The following CASP4 variants were observed in gnomAD, a reference collection of about 807,000 sequenced individuals.
The protein encoded by CASP4 is caspase-4.
CASP4 carries 29 observed loss-of-function variants against 41.3 expected under a neutral mutation model. The ratio of observed to expected loss-of-function variants is 0.70; its 90% CI spans 0.52 to 0.96. The LOEUF is 0.96. Among genes scored for constraint, CASP4 ranks in the 40% least tolerant of loss-of-function variants. The pLI is 0.00. For synonymous variants in CASP4, 185 were observed against 158.4 expected (o/e 1.17, Z -1.26); for missense variants, 447 against 460.6 (o/e 0.97, Z 0.27).
In CASP4 at chr11:104,951,161, C is replaced by T. The variant is rs542564703; in HGVS notation, c.373-63G>A. On this transcript the variant is annotated intron_variant, in intron 3 of 8. Transcript: ENST00000444739. ...AAGTCTCCTTTCAGCCTCCTTATGC[C>T]TATCAGTGTTGCTTTTTCAAGTCTT... The T allele has an allele frequency of 1.1e-5, 16 of 1,459,702 alleles. No homozygotes were observed. The South Asian group carries it at 2.1e-4, about 19-fold the overall frequency. 90.4% of individuals were successfully genotyped at this position (1,459,702 alleles called of 1,614,324 possible).
At position 104,948,606 on chromosome 11, in the gene CASP4, C is replaced by A. The variant is rs55901059; in HGVS notation, c.852G>T (p.Glu284Asp). The change falls in exon 6 of 9, where the codon GAG (glutamate) becomes GAT (aspartate). Residue 284 changes from glutamate to aspartate, a missense_variant. Coordinates refer to ENST00000444739, the MANE Select transcript of CASP4 (RefSeq NM_001225.4). The stretch of plus-strand genomic sequence containing the variant: ...TGTAAACAGCATCTTCCTCTAGGTT[C>A]TCAGATGACTGTGAAGAGGCCACTT... ...SLEVASSQSS[E>D]NLEEDAVYKT... 5,068 of 1,611,450 alleles carry A rather than the reference C, an allele frequency of 3.1e-3. 134 individuals carry two copies. The African/African-American group carries it at 0.061, about 19-fold the overall frequency.
At chr11:104,957,521 A>G (rs534290523) in intron 1 of CASP4, among the ~76,000 whole-genome samples, 1 of 148,036 alleles carries the variant, frequency 6.8e-6, no homozygotes, top group African/African-American at 2.6e-5. Flanking sequence ...ATAGTGAGCT[A>G]TAATTGTGAC....
At chr11:104,967,731 C>CA (rs1861007550) in intron 1 of CASP4, among the ~76,000 whole-genome samples, 1 of 152,072 alleles carries the variant, frequency 6.6e-6, no homozygotes, top group Non-Finnish European at 1.5e-5. Context: ...TTTTATATGA[C>CA]TACAGATTGC....
chr11:104,965,175 TAA>T (rs1860945075), intron 1 of CASP4, among the ~76,000 whole-genome samples: 1 of 152,246 alleles, frequency 6.6e-6, no homozygotes. Flanking sequence ...TCTTTGCTTT[TAA>T]AATTGAGAAT....
At chr11:104,957,831 A>C (rs1860769439) in intron 1 of CASP4, among the ~76,000 whole-genome samples, 1 of 152,142 alleles carries the variant, frequency 6.6e-6, no homozygotes, top group Non-Finnish European at 1.5e-5. Flanking sequence ...TGAATAGGCA[A>C]AGCAATTTTG....
At chr11:104,964,905 C>T (rs889849521) in intron 1 of CASP4, among the ~76,000 whole-genome samples, 10 of 152,012 alleles carry the variant, frequency 6.6e-5, no homozygotes, top group South Asian at 4.1e-4. Flanking sequence ...AAAAAACAGC[C>T]TAAATAAAAA....
chr11:104,956,621 A>C (rs930855816), intron 1 of CASP4: 2 of 983,064 alleles, frequency 2.0e-6, no homozygotes, highest in Admixed American at 1.2e-4. Context: ...AGAGCTTCTT[A>C]AAAGAATGTA....
At chr11:104,946,947 AAAC>A (rs763960048) in intron 7 of CASP4, 133 bp downstream of exon 7, 14 of 628,956 alleles carry the variant, frequency 2.2e-5, no homozygotes, top group Non-Finnish European at 4.0e-5. Flanking sequence ...GCCATATTTT[AAAC>A]AACTGAATGA....
chr11:104,966,140 C>A (rs56159831), intron 1 of CASP4, among the ~76,000 whole-genome samples: 1 of 152,198 alleles, frequency 6.6e-6, no homozygotes, highest in African/African-American at 2.4e-5. Context: ...ATTACTCTTA[C>A]GCCATTGCAA....
chr11:104,948,449 T>C (rs2134635787), intron 6 of CASP4, 84 bp downstream of exon 6: 1 of 1,315,844 alleles, frequency 7.6e-7, no homozygotes, highest in East Asian at 2.4e-5. Context: ...AGATCATTGT[T>C]TCATAGGGAT....
At position 104,955,219 on chromosome 11, in the gene CASP4, T is replaced by TTTTTC. The variant is rs750854906; in HGVS notation, c.8-223_8-219dup. ...TACTTTTTATTTTCTTTTTTGTTCTTTTTTCTTTTCTTTTCTTTTAGCTTC... is the reference window on the plus strand; with the variant it reads ...TACTTTTTATTTTCTTTTTTGTTCTTTTTTCTTTTCTTTTCTTTTCTTTTAGCTTC... On this transcript the variant is annotated intron_variant, in intron 1 of 8. Coordinates refer to ENST00000444739, the MANE Select transcript of CASP4 (RefSeq NM_001225.4). Among the ~76,000 whole-genome samples, 16 of 152,258 alleles carry TTTTTC rather than the reference T, an allele frequency of 1.1e-4. No individual in the cohort carries two copies. The East Asian group carries it at 1.2e-3, about 11-fold the overall frequency.
intron 6 of CASP4, 36 bp downstream of exon 6, chr11:104,948,497 C>G (rs201584069): frequency 9.7e-5 from 149 of 1,534,990 alleles, no homozygotes; most frequent in Non-Finnish European, 1.2e-4. Flanking sequence ...TGGCCTCAGG[C>G]CCACAAATCC....
At chr11:104,944,009 A>T (rs773739968) in intron 8 of CASP4, 2 of 152,220 alleles carry the variant, frequency 1.3e-5, no homozygotes, top group African/African-American at 4.8e-5. Context: ...TCCAGACTCA[A>T]TGTACCCATT....
chr11:104,949,589 A>G lies in CASP4; in HGVS notation c.735T>C (p.Ser245=). The G allele has an allele frequency of 1.9e-6, 3 of 1,613,934 alleles. No individual in the cohort carries two copies. The highest frequency in any genetic ancestry group is 1.7e-4 in the Middle Eastern group (1 of 6,060). The change falls in exon 5 of 9, where the codon AGT becomes AGC. Residue 245 remains serine (S), a synonymous_variant. Transcript: ENST00000444739. ...FQIFNNRNCL[S]LKDKPKVIIV... ...TGATGACCTTGGGTTTGTCCTTCAG[A>G]CTGAGGCAGTTGCGGTTGTTGAATA...
chr11:104,968,399 A>G, intron 1 of CASP4, 120 bp downstream of exon 1: 1 of 886,906 alleles, frequency 1.1e-6, no homozygotes, highest in Non-Finnish European at 1.9e-6. Context: ...ACAATCAGTA[A>G]GAAAAGGAAT....
chr11:104,962,154 A>G (rs1053255299), intron 1 of CASP4, among the ~76,000 whole-genome samples: 1 of 152,202 alleles, frequency 6.6e-6, no homozygotes, highest in African/African-American at 2.4e-5. Context: ...TGTTTCCATA[A>G]AACAGAAAAT....
intron 1 of CASP4, among the ~76,000 whole-genome samples, chr11:104,966,308 C>T (rs1444970842): frequency 6.7e-6 from 1 of 148,710 alleles, no homozygotes; most frequent in Admixed American, 6.6e-5. Context: ...CATGTTCATT[C>T]CCCTATCCAT....
Position 104,944,761 on chromosome 11 carries a change from C to G in CASP4, c.1126G>C (p.Gly376Arg). 11 of 1,605,110 alleles carry G rather than the reference C, an allele frequency of 6.9e-6. No homozygotes were observed. The highest frequency in any genetic ancestry group is 9.4e-6 in the Non-Finnish European group (11 of 1,171,996). ...TCAATACTTAACCATTTTCAATTGC[C>G]AGGAAAGAGGTAGAAATATCTTGTC... is the stretch of plus-strand genomic sequence containing the variant. ...SMTRYFYLFPGN is the reference protein window; with the variant it reads ...SMTRYFYLFPRN Residue 376 changes from glycine to arginine, a missense_variant, in exon 8 of 9, where the codon GGC becomes CGC. Gly to Arg is a moderately radical substitution (Grantham distance 125). Coordinates refer to ENST00000444739, the MANE Select transcript of CASP4 (RefSeq NM_001225.4).
In CASP4 at chr11:104,945,072, A is replaced by G. The variant is rs76847173; in HGVS notation, c.1036-221T>C. On this transcript the variant is annotated intron_variant, in intron 7 of 8. Coordinates refer to ENST00000444739, the MANE Select transcript of CASP4 (RefSeq NM_001225.4). ...ACATCAAAATAAACACCTCATGTCTAATCCAAGGTCTTTCAACATTCATTT... is the reference window on the plus strand; with the variant it reads ...ACATCAAAATAAACACCTCATGTCTGATCCAAGGTCTTTCAACATTCATTT... 8.4e-3 allele frequency among the ~76,000 whole-genome samples: 1,286 copies of G among 152,238 alleles called. 21 individuals are homozygous for G. The highest frequency in any genetic ancestry group is 0.029 in the African/African-American group (1,202 of 41,536).
Sources: gnomAD v4.1 joint callset for allele counts (sites outside exome capture counted in the v4.1 genomes callset) on GRCh38, gnomAD v4.1.1 for gene constraint, MANE v1.5 for transcripts, NCBI Gene and HGNC (gene_info 2026-07-23, HGNC 2026-07-21) for gene names.